The following STAG1 variants were observed in gnomAD, a reference collection of about 807,000 sequenced individuals.
STAG1 encodes the protein STAG1 cohesin complex component.
STAG1 carries 26 observed loss-of-function variants against 170.9 expected under a neutral mutation model. That is an observed-to-expected ratio of 0.15 (90% CI 0.11 to 0.21). The LOEUF (loss-of-function observed/expected upper bound fraction) is 0.21, where lower values mean the gene tolerates loss of function less well. STAG1 is among the 10% of genes least tolerant of loss of function. The probability of loss-of-function intolerance (pLI) is 1.00; values close to 1 mark genes in which losing one functional copy is unlikely to be tolerated. For missense variants in STAG1, 964 were observed against 1,509.5 expected (o/e 0.64, Z 5.99); for synonymous variants, 514 against 497.7 (o/e 1.03, Z -0.44).
intron 19 of STAG1, 99 bp downstream of exon 19, chr3:136,422,306 TTCTAC>T: frequency 5.5e-6 from 6 of 1,095,710 alleles, no homozygotes; most frequent in Non-Finnish European, 7.9e-6. Flanking sequence ...GGGCAGACAA[TTCTAC>T]TCAATTTCAT....
At chr3:136,404,519 C>T (rs1037530484) in intron 21 of STAG1, among the ~76,000 whole-genome samples, 5 of 152,066 alleles carry the variant, frequency 3.3e-5, no homozygotes, top group Admixed American at 1.3e-4. Context: ...TGATACTTTA[C>T]GGTTATGGGT....
At chr3:136,402,537 T>A (rs1313902989) in intron 21 of STAG1, among the ~76,000 whole-genome samples, 1 of 151,984 alleles carries the variant, frequency 6.6e-6, no homozygotes, top group Non-Finnish European at 1.5e-5. Context: ...ACTTTAAAAT[T>A]TTCAGGTTTC....
intron 7 of STAG1, among the ~76,000 whole-genome samples, chr3:136,507,646 G>A (rs1375568439): frequency 6.6e-6 from 1 of 152,062 alleles, no homozygotes; most frequent in Non-Finnish European, 1.5e-5. Flanking sequence ...GGAATTACAG[G>A]GATGAACCGT....
At chr3:136,679,516 C>A (rs1302646037) in intron 1 of STAG1, among the ~76,000 whole-genome samples, 1 of 152,124 alleles carries the variant, frequency 6.6e-6, no homozygotes, top group Non-Finnish European at 1.5e-5. Context: ...ATCATGAGGT[C>A]AGGAGATCGA....
intron 12 of STAG1, among the ~76,000 whole-genome samples, chr3:136,466,686 C>G (rs985713238): frequency 6.6e-6 from 1 of 152,118 alleles, no homozygotes; most frequent in Admixed American, 6.5e-5. Flanking sequence ...AGAGCAACTC[C>G]AAGACACATA....
At chr3:136,521,779 G>C (rs1934690338) in intron 6 of STAG1, among the ~76,000 whole-genome samples, 1 of 152,102 alleles carries the variant, frequency 6.6e-6, no homozygotes, top group Non-Finnish European at 1.5e-5. Context: ...GTTGAATTTT[G>C]ATGAAAGCTA....
chr3:136,477,036 A>G lies in STAG1; in HGVS notation c.1026+253T>C, dbSNP rs149325386. On this transcript the variant is annotated intron_variant, in intron 10 of 33. Transcript: ENST00000383202. ...GAATATAATGATTTTCTTTCTCTGA[A>G]AACTTTATATATACCAGGTTGTCAA... 1.3e-3 allele frequency among the ~76,000 whole-genome samples: 191 copies of G among 152,282 alleles called. 1 individual carries two copies. The highest frequency in any genetic ancestry group is 4.2e-3 in the African/African-American group (176 of 41,562).
intron 1 of STAG1, among the ~76,000 whole-genome samples, chr3:136,665,508 A>G (rs1941728515): frequency 6.6e-6 from 1 of 152,180 alleles, no homozygotes; most frequent in Admixed American, 6.6e-5. Flanking sequence ...GGCCAGGCGC[A>G]GAGGCTCACA....
At chr3:136,566,873 A>G (rs1222070617) in intron 5 of STAG1, among the ~76,000 whole-genome samples, 1 of 152,236 alleles carries the variant, frequency 6.6e-6, no homozygotes, top group Non-Finnish European at 1.5e-5. Flanking sequence ...TAAATAAATT[A>G]TTGTACATAT....
intron 22 of STAG1, among the ~76,000 whole-genome samples, chr3:136,384,613 AC>A (rs2086817058): frequency 6.6e-6 from 1 of 152,114 alleles, no homozygotes; most frequent in African/African-American, 2.4e-5. Flanking sequence ...TACCAAAAAT[AC>A]AAAAAATTAG....
rs181257464 is a variant in STAG1, at chr3:136,574,548, G to T, written c.298-5687C>A. On this transcript the variant is annotated intron_variant, in intron 4 of 33. Transcript: ENST00000383202. ...AGAAACATGTTGTGGTTATATTCAT[G>T]TCAAAGTAGAAATCAAGACAAGGAA... Among the ~76,000 whole-genome samples, 491 of 152,206 alleles carry T rather than the reference G, an allele frequency of 3.2e-3. 7 individuals are homozygous for T. In the East Asian group the frequency reaches 0.045, roughly 14 times the overall value.
chr3:136,440,378 C>A (rs555517827), intron 15 of STAG1, among the ~76,000 whole-genome samples: 1 of 152,006 alleles, frequency 6.6e-6, no homozygotes, highest in Non-Finnish European at 1.5e-5. Context: ...ACCTCATGAT[C>A]CACCCATCTT....
At chr3:136,501,806 T>C (rs1680460974) in intron 8 of STAG1, among the ~76,000 whole-genome samples, 1 of 152,234 alleles carries the variant, frequency 6.6e-6, no homozygotes, top group Non-Finnish European at 1.5e-5. Context: ...TGTGATATTC[T>C]TTTTTCAAGT....
At chr3:136,513,356 C>CA (rs377711912) in intron 7 of STAG1, among the ~76,000 whole-genome samples, 120 of 137,342 alleles carry the variant, frequency 8.7e-4, no homozygotes, top group African/African-American at 2.1e-3. Context: ...GACCCCGTCT[C>CA]AAAAAAAAAA....
chr3:136,355,958 C>CT (rs1936635201), intron 28 of STAG1, among the ~76,000 whole-genome samples: 1 of 152,042 alleles, frequency 6.6e-6, no homozygotes. Context: ...CTGTAAATGC[C>CT]TGTATTGAAA....
intron 1 of STAG1, among the ~76,000 whole-genome samples, chr3:136,652,997 G>A (rs754334777): frequency 7.9e-5 from 12 of 152,206 alleles, no homozygotes; most frequent in South Asian, 6.2e-4. Flanking sequence ...ACTAGCAGCC[G>A]GGCACAGTGG....
intron 13 of STAG1, among the ~76,000 whole-genome samples, chr3:136,459,200 G>A (rs754012062): frequency 6.8e-6 from 1 of 146,734 alleles, no homozygotes; most frequent in South Asian, 2.2e-4. Context: ...CCTGGCGACA[G>A]AGCGAGACTC....
chr3:136,463,217 C>T (rs1184487611), intron 13 of STAG1, among the ~76,000 whole-genome samples: 2 of 151,926 alleles, frequency 1.3e-5, no homozygotes, highest in African/African-American at 4.9e-5. Context: ...ATTTCCTTTG[C>T]CAGCATGCCC....
At chr3:136,676,057 AG>A (rs1474484515) in intron 1 of STAG1, among the ~76,000 whole-genome samples, 13 of 152,256 alleles carry the variant, frequency 8.5e-5, no homozygotes, top group Non-Finnish European at 1.2e-4. Context: ...TGAACACTGC[AG>A]GCAACTGCAA....
Sources: gnomAD v4.1 joint callset for allele counts (sites outside exome capture counted in the v4.1 genomes callset) on GRCh38, gnomAD v4.1.1 for gene constraint, MANE v1.5 for transcripts, NCBI Gene and HGNC (gene_info 2026-07-23, HGNC 2026-07-21) for gene names.